Variants in SYT14 observed in about 807,000 individuals in gnomAD.
SYT14 encodes synaptotagmin 14.
In SYT14, 32 loss-of-function variants were observed where a neutral mutation model predicts 74.2. The ratio of observed to expected loss-of-function variants is 0.43; its 90% CI spans 0.33 to 0.58. SYT14 has a LOEUF of 0.58. Ranked by LOEUF, SYT14 falls within the 20% of genes least tolerant of loss-of-function variation. The pLI is 0.05. For synonymous variants in SYT14, 298 were observed against 337.7 expected (o/e 0.88, Z 1.29); for missense variants, 791 against 981.8 (o/e 0.81, Z 2.60).
At chr1:210,021,405 A>G (rs181838751) in intron 5 of SYT14, 151 bp downstream of exon 4, 2 of 902,948 alleles carry the variant, frequency 2.2e-6, no homozygotes, top group Admixed American at 2.4e-5. Flanking sequence ...TCAAATTTGT[A>G]TCTTTGGGCT....
chr1:209,995,564 T>C (rs1311596072), intron 2 of SYT14, among the ~76,000 whole-genome samples: 1 of 151,972 alleles, frequency 6.6e-6, no homozygotes, highest in African/African-American at 2.4e-5. Context: ...CCACTGACAG[T>C]GTTAGATCAT....
At chr1:210,045,182 A>C (rs568311833) in intron 5 of SYT14, among the ~76,000 whole-genome samples, 1 of 152,348 alleles carries the variant, frequency 6.6e-6, no homozygotes, top group East Asian at 1.9e-4. Flanking sequence ...CAAAGTTTAC[A>C]ATGTAGAAAT....
At chr1:210,016,692 C>T in exon 4 of SYT14, 1 of 1,231,738 alleles carries the variant, frequency 8.1e-7, no homozygotes, top group Non-Finnish European at 1.0e-6. Flanking sequence ...TATTCTAAAT[C>T]TCGACATGTA....
chr1:210,074,909 C>A (rs1572254511), intron 5 of SYT14, among the ~76,000 whole-genome samples: 1 of 152,142 alleles, frequency 6.6e-6, no homozygotes, highest in Non-Finnish European at 1.5e-5. Flanking sequence ...TGTTAGTCAG[C>A]TCAATTAGAC....
intron 1 of SYT14, among the ~76,000 whole-genome samples, chr1:209,942,012 C>T (rs1376894208): frequency 6.6e-6 from 1 of 152,114 alleles, no homozygotes; most frequent in Non-Finnish European, 1.5e-5. Flanking sequence ...AAAGTCTGTA[C>T]ATATTCAGTA....
intron 7 of SYT14, among the ~76,000 whole-genome samples, chr1:210,112,752 G>T (rs1219267784): frequency 6.6e-6 from 1 of 151,362 alleles, no homozygotes; most frequent in African/African-American, 2.5e-5. Flanking sequence ...AGGCATTAAT[G>T]ATGGAGGACC....
chr1:210,163,857 G>A lies in SYT14; in HGVS notation c.*2815G>A, dbSNP rs184379158. Reference sequence around the variant, plus strand: ...CTTAATAGCAAAATCTTCTATCTCAGTAATTATAGCAAATAGGGACCTACT... The same window carrying A: ...CTTAATAGCAAAATCTTCTATCTCAATAATTATAGCAAATAGGGACCTACT... On this transcript the variant is annotated 3_prime_UTR_variant, in exon 10 of 10. Transcript: ENST00000637265. 4.4e-5 allele frequency: 20 copies of A among 453,726 alleles called. No homozygotes were observed. The East Asian group carries it at 1.4e-3, about 32-fold the overall frequency. The allele number at this position is 453,726 out of a possible 1,614,324, so 28.1% of individuals were successfully genotyped here.
chr1:210,039,579 T>C (rs1048572260), intron 5 of SYT14, among the ~76,000 whole-genome samples: 8 of 152,106 alleles, frequency 5.3e-5, no homozygotes, highest in Non-Finnish European at 1.2e-4. Flanking sequence ...AAAGAAACTG[T>C]CATCAGAGTG....
intron 2 of SYT14, among the ~76,000 whole-genome samples, chr1:209,975,221 T>C (rs1270015765): frequency 1.3e-5 from 2 of 152,168 alleles, no homozygotes; most frequent in Non-Finnish European, 2.9e-5. Flanking sequence ...TCCTGCCTGA[T>C]TGCCCTGGCC....
chr1:209,998,261 A>G (rs2079833406), intron 2 of SYT14, among the ~76,000 whole-genome samples: 2 of 152,130 alleles, frequency 1.3e-5, no homozygotes, highest in Admixed American at 6.6e-5. Flanking sequence ...AAAGACCTCT[A>G]TAAGGAAGAC....
exon 10 of SYT14, chr1:210,164,785 T>C (rs2083438835): frequency 6.6e-6 from 1 of 152,126 alleles, no homozygotes; most frequent in Non-Finnish European, 1.5e-5. Context: ...ATTTGAGTTA[T>C]CACTATATTA....
intron 7 of SYT14, among the ~76,000 whole-genome samples, chr1:210,121,644 A>T (rs1233231553): frequency 6.6e-6 from 1 of 152,086 alleles, no homozygotes; most frequent in Non-Finnish European, 1.5e-5. Flanking sequence ...AATACAAAAA[A>T]TTAGCCAGGC....
chr1:209,948,112 T>C (rs1480312274), intron 1 of SYT14, among the ~76,000 whole-genome samples: 2 of 152,260 alleles, frequency 1.3e-5, no homozygotes, highest in Non-Finnish European at 2.9e-5. Context: ...TGACTTGTTT[T>C]ATTGCGATAT....
At chr1:210,169,221 G>GTTTTTTTTTT (rs35974726) in exon 10 of SYT14, 16 of 50,238 alleles carry the variant, frequency 3.2e-4, no homozygotes, top group African/African-American at 7.8e-4. Flanking sequence ...TGTTTTTGGT[G>GTTTTTTTTTT]TTTTTTTTTT....
At chr1:210,089,181 C>T (rs1237453669) in intron 5 of SYT14, among the ~76,000 whole-genome samples, 1 of 152,156 alleles carries the variant, frequency 6.6e-6, no homozygotes, top group Non-Finnish European at 1.5e-5. Flanking sequence ...TTTCCAGCTT[C>T]ATCCATGTCC....
At position 210,045,404 on chromosome 1, in the gene SYT14, A is replaced by G. The variant is rs2080866292; in HGVS notation, c.1312+24150A>G. 2.0e-5 allele frequency among the ~76,000 whole-genome samples: 3 copies of G among 152,206 alleles called. No homozygotes were observed. In the South Asian group the frequency reaches 6.2e-4, roughly 31 times the overall value. ...AGACCCTTACATTTCAAATTAACAC[A>G]CTTAAAAATTTATAAGTTTAGTACA... On this transcript the variant is annotated intron_variant, in intron 5 of 9. Coordinates refer to ENST00000637265, the Ensembl canonical transcript of SYT14.
chr1:210,087,358 C>T (rs1033469123), intron 5 of SYT14, among the ~76,000 whole-genome samples: 2 of 152,208 alleles, frequency 1.3e-5, no homozygotes, highest in African/African-American at 2.4e-5. Flanking sequence ...TGGCACCCTC[C>T]TCACCCTCCT....
chr1:209,994,888 C>T (rs1188450733), intron 2 of SYT14, among the ~76,000 whole-genome samples: 1 of 152,160 alleles, frequency 6.6e-6, no homozygotes. Flanking sequence ...TCTTACCAAA[C>T]TAAGCTTCAT....
chr1:210,013,932 T>C, intron 3 of SYT14, 135 bp downstream of exon 3: 1 of 845,982 alleles, frequency 1.2e-6, no homozygotes, highest in Non-Finnish European at 1.8e-6. Context: ...CTGTAAAAGA[T>C]CTGTTAAGTA....
Sources: gnomAD v4.1 joint callset for allele counts (sites outside exome capture counted in the v4.1 genomes callset) on GRCh38, gnomAD v4.1.1 for gene constraint, MANE v1.5 for transcripts, NCBI Gene and HGNC (gene_info 2026-07-23, HGNC 2026-07-21) for gene names.